TTC17: variants seen among roughly 807,000 people sequenced by gnomAD.
The protein encoded by TTC17 is tetratricopeptide repeat protein 17.
TTC17 carries 58 observed loss-of-function variants against 143.8 expected under a neutral mutation model. The ratio of observed to expected loss-of-function variants is 0.40; its 90% CI spans 0.33 to 0.50. TTC17 has a LOEUF of 0.50. Ranked by LOEUF, TTC17 falls within the 20% of genes least tolerant of loss-of-function variation. TTC17 has a pLI of 0.49. For synonymous variants in TTC17, 501 were observed against 497.8 expected, an observed-to-expected ratio of 1.01 and a Z score of -0.09; for missense variants, 1,273 against 1,392.5, an observed-to-expected ratio of 0.91 and a Z score of 1.37.
intron 16 of TTC17, chr11:43,436,406 C>G (rs1030891178): frequency 7.5e-6 from 9 of 1,200,604 alleles, no homozygotes; most frequent in Non-Finnish European, 9.4e-6. Flanking sequence ...AGGCTTTTCT[C>G]TACTTTTAAG....
intron 15 of TTC17, among the ~76,000 whole-genome samples, chr11:43,409,563 T>A (rs1056544961): frequency 6.6e-6 from 1 of 152,186 alleles, no homozygotes; most frequent in Non-Finnish European, 1.5e-5. Context: ...ACTAATTTAA[T>A]CCTCATAACA....
Position 43,370,298 on chromosome 11 carries a change from A to C in TTC17, c.160-8935A>C, listed in dbSNP as rs766731025. Reference sequence around the variant, plus strand: ...TTGCTTGCTACCATAGTAGCCTGGAAGGGATCGCAAACAGAAGGGTCTCTT... The same window carrying C: ...TTGCTTGCTACCATAGTAGCCTGGACGGGATCGCAAACAGAAGGGTCTCTT... On this transcript the variant is annotated intron_variant, in intron 1 of 23. Coordinates refer to ENST00000039989, the MANE Select transcript of TTC17 (RefSeq NM_018259.6). 8 of 266,152 alleles carry C rather than the reference A, an allele frequency of 3.0e-5. No homozygotes were observed. In the Admixed American group the frequency reaches 3.0e-4, roughly 10 times the overall value. 16.5% of individuals were successfully genotyped at this position (266,152 alleles called of 1,614,324 possible). A position where few individuals can be genotyped will look rare whatever the true frequency, so the allele number is the denominator to read the frequency against.
At chr11:43,443,026 A>G (rs1947457323) in intron 16 of TTC17, among the ~76,000 whole-genome samples, 1 of 152,202 alleles carries the variant, frequency 6.6e-6, no homozygotes, top group Non-Finnish European at 1.5e-5. Flanking sequence ...GAGCAAGTGG[A>G]TCTTTTTTAA....
Position 43,405,541 on chromosome 11 carries a change from A to C in TTC17, c.1507A>C (p.Arg503=). Residue 503 remains arginine (R), a synonymous_variant, in exon 12 of 24, where the codon AGA becomes CGA. Transcript: ENST00000039989. ...RDKQHILWPK[R]ADCTESYPRV... ...CAAACAGCATATTCTATGGCCTAAA[A>C]GAGCAGATTGTACAGAAAGCTACCC... is the stretch of plus-strand genomic sequence containing the variant. 1.2e-6 allele frequency: 2 copies of C among 1,613,982 alleles called. No individual in the cohort carries two copies. Among genetic ancestry groups the C allele is most frequent in the South Asian group, 2.2e-5 (2 of 91,084 alleles).
intron 21 of TTC17, among the ~76,000 whole-genome samples, chr11:43,475,925 G>A (rs1948176518): frequency 6.6e-6 from 1 of 152,196 alleles, no homozygotes; most frequent in Non-Finnish European, 1.5e-5. Flanking sequence ...GAGATGAAAG[G>A]AGATACAGAT....
intron 2 of TTC17, among the ~76,000 whole-genome samples, chr11:43,388,209 A>G (rs1186918903): frequency 6.6e-6 from 1 of 152,206 alleles, no homozygotes; most frequent in Non-Finnish European, 1.5e-5. Context: ...GGATAAATAC[A>G]TATTTATACA....
At chr11:43,418,368 A>AT (rs1011115203) in intron 16 of TTC17, among the ~76,000 whole-genome samples, 18 of 151,956 alleles carry the variant, frequency 1.2e-4, no homozygotes, top group Admixed American at 7.2e-4. Context: ...TAATACATTG[A>AT]TTTTTTTTAC....
chr11:43,481,452 T>C (rs1427993390), intron 21 of TTC17, among the ~76,000 whole-genome samples: 1 of 152,168 alleles, frequency 6.6e-6, no homozygotes, highest in East Asian at 1.9e-4. Flanking sequence ...TCTGAAAAAG[T>C]CTGTAGAGAA....
chr11:43,450,365 A>G (rs1947634156), intron 20 of TTC17, 124 bp downstream of exon 20: 1 of 1,193,124 alleles, frequency 8.4e-7, no homozygotes, highest in Non-Finnish European at 1.1e-6. Context: ...TCAGTTAGGC[A>G]TCACCTAGGT....
intron 1 of TTC17, among the ~76,000 whole-genome samples, chr11:43,360,413 A>G (rs1228223914): frequency 6.6e-6 from 1 of 152,204 alleles, no homozygotes; most frequent in Non-Finnish European, 1.5e-5. Context: ...CTGTAAGACC[A>G]TATGTGAGTG....
At chr11:43,389,594 T>C (rs925005405) in intron 2 of TTC17, 58 bp from the exon 3 acceptor site, 2 of 1,493,886 alleles carry the variant, frequency 1.3e-6, no homozygotes, top group South Asian at 1.4e-5. Flanking sequence ...TTCTCTTCAA[T>C]GGTAGTTAGA....
intron 18 of TTC17, chr11:43,446,321 T>G: frequency 2.5e-6 from 1 of 396,446 alleles, no homozygotes; most frequent in East Asian, 7.7e-5. Context: ...TAGTTACTCT[T>G]TCCTCTGTGC....
intron 21 of TTC17, among the ~76,000 whole-genome samples, chr11:43,456,062 CATATTG>C (rs1038463755): frequency 6.6e-6 from 1 of 152,096 alleles, no homozygotes; most frequent in Admixed American, 6.5e-5. Context: ...TAATATCCTT[CATATTG>C]ATAGAGGGGA....
intron 21 of TTC17, among the ~76,000 whole-genome samples, chr11:43,484,608 A>T (rs1948348190): frequency 6.6e-6 from 1 of 152,196 alleles, no homozygotes; most frequent in African/African-American, 2.4e-5. Context: ...GCAGGTCTTT[A>T]TATGGAAAGG....
chr11:43,456,851 G>A (rs569044104), intron 21 of TTC17, among the ~76,000 whole-genome samples: 5 of 152,242 alleles, frequency 3.3e-5, no homozygotes, highest in African/African-American at 1.2e-4. Context: ...GGAGCATTTC[G>A]ATTAGAACTA....
chr11:43,420,111 G>A (rs1192683681), intron 16 of TTC17, among the ~76,000 whole-genome samples: 1 of 152,168 alleles, frequency 6.6e-6, no homozygotes, highest in East Asian at 1.9e-4. Context: ...TGTGATAGAG[G>A]AGAGAATAGG....
chr11:43,359,296 T>C lies in TTC17; in HGVS notation c.159+183T>C. ...GCAGGCACTTCCCGCTCCCCACTTG[T>C]CTCCTGGTCCTCGTTTGGCCCCCTA... On this transcript the variant is annotated intron_variant, in intron 1 of 23. Coordinates refer to ENST00000039989, the MANE Select transcript of TTC17 (RefSeq NM_018259.6). 3 of 725,282 alleles carry C rather than the reference T, an allele frequency of 4.1e-6. No individual in the cohort carries two copies. In the South Asian group the frequency reaches 7.3e-5, roughly 18 times the overall value. 44.9% of individuals were successfully genotyped at this position (725,282 alleles called of 1,614,324 possible).
chr11:43,405,986 C>T (rs1858111277), intron 13 of TTC17, 35 bp downstream of exon 13: 2 of 1,596,242 alleles, frequency 1.3e-6, no homozygotes, highest in African/African-American at 2.7e-5. Context: ...TATTGCCGTC[C>T]ATTCTGGGTG....
At chr11:43,431,234 C>T (rs545983792) in intron 16 of TTC17, among the ~76,000 whole-genome samples, 3 of 152,230 alleles carry the variant, frequency 2.0e-5, no homozygotes, top group Non-Finnish European at 2.9e-5. Flanking sequence ...AGTAAACATA[C>T]GTGTGCATGT....
Sources: gnomAD v4.1 joint callset for allele counts (sites outside exome capture counted in the v4.1 genomes callset) on GRCh38, gnomAD v4.1.1 for gene constraint, MANE v1.5 for transcripts, NCBI Gene and HGNC (gene_info 2026-07-23, HGNC 2026-07-21) for gene names.